RP1: variants seen among roughly 807,000 people sequenced by gnomAD.
The protein encoded by RP1 is oxygen-regulated protein 1.
A neutral mutation model predicts 14.8 loss-of-function variants in RP1; 16 were observed. The observed-to-expected ratio is 1.08, with a 90% CI of 0.73 to 1.65. The LOEUF (loss-of-function observed/expected upper bound fraction) is 1.65, where lower values mean the gene tolerates loss of function less well. Among genes scored for constraint, RP1 ranks in the 40% most tolerant of loss-of-function variants. The pLI is 0.00. For synonymous variants in RP1, 876 were observed against 883.6 expected (o/e 0.99, Z 0.15); for missense variants, 2,631 against 2,535.0 (o/e 1.04, Z -0.81).
chr8:54,844,942 C>T (rs1374624828), intron 25 of RP1, among the ~76,000 whole-genome samples: 3 of 152,098 alleles, frequency 2.0e-5, no homozygotes, highest in Non-Finnish European at 4.4e-5. Context: ...TCCTCTAGCC[C>T]ACTGTCTGGC....
intron 8 of RP1, among the ~76,000 whole-genome samples, chr8:54,677,772 C>A (rs1243413175): frequency 6.6e-6 from 1 of 151,918 alleles, no homozygotes; most frequent in Non-Finnish European, 1.5e-5. Context: ...AAATTTTATC[C>A]TATAGCTGAT....
intron 27 of RP1, among the ~76,000 whole-genome samples, chr8:54,860,399 A>G (rs1812317223): frequency 6.6e-6 from 1 of 152,124 alleles, no homozygotes; most frequent in South Asian, 2.1e-4. Context: ...TAACCCAAAT[A>G]CAGTTATGTC....
chr8:54,682,861 G>A (rs1053750755), intron 12 of RP1, among the ~76,000 whole-genome samples: 5 of 151,986 alleles, frequency 3.3e-5, no homozygotes, highest in African/African-American at 1.2e-4. Flanking sequence ...TAATTTTGTT[G>A]CCATTGCTTT....
At position 54,624,779 on chromosome 8, in the gene RP1, C is replaced by T. The variant is rs534494268; in HGVS notation, c.897C>T (p.Tyr299=). ...ACTATTCTTTTGTTCCTGAAAAGTA[C>T]TTGGCCTTAGAAAAGAATGATTCTC... ...YLDYSFVPEK[Y]LALEKNDSQN... Residue 299 remains tyrosine (Y), a synonymous_variant, in exon 4 of 4, where the codon TAC becomes TAT. Coordinates refer to ENST00000220676, the MANE Select transcript of RP1 (RefSeq NM_006269.2). The T allele has an allele frequency of 1.5e-5, 25 of 1,613,886 alleles. 1 individual carries two copies. In the South Asian group the frequency reaches 2.6e-4, roughly 17 times the overall value.
At chr8:54,750,589 A>G (rs4276669) in intron 19 of RP1, among the ~76,000 whole-genome samples, 1 of 102,198 alleles carries the variant, frequency 9.8e-6, no homozygotes, top group East Asian at 2.6e-4. Context: ...CCTAATCAGC[A>G]CTCTGTAGCT....
intron 1 of RP1, among the ~76,000 whole-genome samples, chr8:54,592,370 T>C (rs2129301428): frequency 6.6e-6 from 1 of 152,306 alleles, no homozygotes; most frequent in East Asian, 1.9e-4. Context: ...TATCACCTTA[T>C]TTGCTGTACA....
At chr8:54,585,061 T>G (rs1804888230) in intron 1 of RP1, among the ~76,000 whole-genome samples, 1 of 152,212 alleles carries the variant, frequency 6.6e-6, no homozygotes, top group Non-Finnish European at 1.5e-5. Context: ...AGCTGGTTAT[T>G]TTGCTCGTTA....
downstream of RP1, among the ~76,000 whole-genome samples, chr8:54,631,842 A>G (rs2129319324): frequency 7.0e-6 from 1 of 142,196 alleles, no homozygotes; most frequent in East Asian, 2.3e-4. Context: ...AAGAAGGGAT[A>G]AGATTTTTTT....
intron 12 of RP1, among the ~76,000 whole-genome samples, chr8:54,682,401 G>T (rs1253815170): frequency 6.6e-6 from 1 of 152,010 alleles, no homozygotes; most frequent in Non-Finnish European, 1.5e-5. Flanking sequence ...GTGGAAATCA[G>T]TGTGGCGATT....
exon 21 of RP1, chr8:54,755,655 T>C: frequency 6.5e-7 from 1 of 1,536,078 alleles, no homozygotes; most frequent in Non-Finnish European, 8.7e-7. Context: ...ACTGGGCAGC[T>C]GAAGCATGCA....
intron 13 of RP1, chr8:54,699,639 A>C: frequency 2.8e-6 from 2 of 712,596 alleles, no homozygotes; most frequent in Non-Finnish European, 2.0e-6. Context: ...TGTATAAGAT[A>C]CATTTATAAG....
At chr8:54,745,433 C>T (rs573462172) in intron 19 of RP1, among the ~76,000 whole-genome samples, 25 of 152,214 alleles carry the variant, frequency 1.6e-4, no homozygotes, top group African/African-American at 4.3e-4. Flanking sequence ...ATGTATTTAA[C>T]GACTTGGTTG....
intron 24 of RP1, among the ~76,000 whole-genome samples, chr8:54,796,326 A>T (rs1318283207): frequency 6.6e-6 from 1 of 152,222 alleles, no homozygotes; most frequent in Non-Finnish European, 1.5e-5. Flanking sequence ...AATTCTTAAA[A>T]GTATTTGTAT....
chr8:54,772,614 T>C (rs1295569845), downstream of RP1, among the ~76,000 whole-genome samples: 2 of 152,146 alleles, frequency 1.3e-5, no homozygotes, highest in African/African-American at 4.8e-5. Context: ...ATGGGATAGG[T>C]TGTATCATTA....
chr8:54,688,252 T>C (rs953239091), intron 12 of RP1, among the ~76,000 whole-genome samples: 6 of 152,032 alleles, frequency 3.9e-5, no homozygotes, highest in Admixed American at 3.9e-4. Flanking sequence ...TTTTCTCCCA[T>C]TCTGTAGGTG....
intron 15 of RP1, among the ~76,000 whole-genome samples, chr8:54,707,225 G>A (rs1228323467): frequency 2.0e-5 from 3 of 152,232 alleles, no homozygotes; most frequent in East Asian, 3.9e-4. Flanking sequence ...AGCAGCTCAG[G>A]TGATCCTCCT....
At chr8:54,648,841 T>C in intron 3 of RP1, 2 of 497,256 alleles carry the variant, frequency 4.0e-6, no homozygotes, top group Non-Finnish European at 6.8e-6. Context: ...CAAATATAAA[T>C]CTTCTGTTAT....
At chr8:54,632,765 T>C (rs1219305583), downstream of RP1, among the ~76,000 whole-genome samples, 2 of 152,228 alleles carry the variant, frequency 1.3e-5, no homozygotes, top group African/African-American at 4.8e-5. Flanking sequence ...AAGCATGTTT[T>C]TAGTTTTGCA....
At chr8:54,740,524 C>T (rs915912579) in intron 19 of RP1, among the ~76,000 whole-genome samples, 1 of 150,782 alleles carries the variant, frequency 6.6e-6, no homozygotes, top group Admixed American at 6.6e-5. Context: ...GAGTTCAAGA[C>T]CAGCCTGACC....
Sources: allele counts gnomAD v4.1 joint callset (sites outside exome capture counted in the v4.1 genomes callset), GRCh38; gene constraint gnomAD v4.1.1; transcripts MANE v1.5; gene names NCBI Gene and HGNC (gene_info 2026-07-23, HGNC 2026-07-21).